PCDHA3: variants seen among roughly 807,000 people sequenced by gnomAD.
PCDHA3 encodes the protein protocadherin alpha 3.
PCDHA3 carries 41 observed loss-of-function variants against 62.2 expected under a neutral mutation model. That is an observed-to-expected ratio of 0.66 (90% CI 0.51 to 0.86). The LOEUF (loss-of-function observed/expected upper bound fraction) is 0.86. PCDHA3 is among the 40% of genes least tolerant of loss of function. PCDHA3 has a pLI of 0.00. For synonymous variants in PCDHA3, 640 were observed against 555.4 expected, an observed-to-expected ratio of 1.15 and a Z score of -2.14; for missense variants, 1,304 against 1,241.2, an observed-to-expected ratio of 1.05 and a Z score of -0.76.
chr5:140,818,170 C>T (rs1554127409), intron 1 of PCDHA3, among the ~76,000 whole-genome samples: 1 of 152,176 alleles, frequency 6.6e-6, no homozygotes, highest in African/African-American at 2.4e-5. Flanking sequence ...CATATTTTCT[C>T]TTATATTCTT....
intron 3 of PCDHA3, among the ~76,000 whole-genome samples, chr5:140,992,867 C>T (rs2097531825): frequency 6.6e-6 from 1 of 152,184 alleles, no homozygotes; most frequent in Admixed American, 6.5e-5. Context: ...CTCTAGCTCC[C>T]TCCTTGATAT....
chr5:140,951,667 C>A (rs180768474), intron 1 of PCDHA3, among the ~76,000 whole-genome samples: 10 of 152,274 alleles, frequency 6.6e-5, no homozygotes, highest in African/African-American at 2.4e-4. Context: ...GGCCTGCCTA[C>A]AAAATTGGGG....
intron 1 of PCDHA3, chr5:140,823,294 G>A (rs2150124401): frequency 2.5e-6 from 4 of 1,612,490 alleles, no homozygotes; most frequent in South Asian, 2.2e-5. Flanking sequence ...GTCGAGTTAC[G>A]TTTCGGTGCA....
At chr5:140,841,992 G>T (rs782125762) in intron 1 of PCDHA3, 1 of 1,613,646 alleles carries the variant, frequency 6.2e-7, no homozygotes, top group African/African-American at 1.3e-5. Context: ...GAGCTCACAG[G>T]CACTGTTCAG....
rs77462249 is a variant in PCDHA3 at position 141,008,293 on chromosome 5, C to G, written c.2543-1334C>G. ...ATAGGAAATTGAAATAGCAGTTGTA[C>G]CCAACCCTAAACTGTAATTGAACAT... On this transcript the variant is annotated intron_variant, in intron 3 of 3. Coordinates refer to ENST00000522353, the MANE Select transcript of PCDHA3 (RefSeq NM_018906.3). 3.5e-3 allele frequency among the ~76,000 whole-genome samples: 527 copies of G among 152,254 alleles called. 1 individual carries two copies. The highest frequency in any genetic ancestry group is 5.9e-3 in the Non-Finnish European group (399 of 68,006).
intron 1 of PCDHA3, among the ~76,000 whole-genome samples, chr5:140,894,303 A>G (rs1386163832): frequency 2.0e-5 from 3 of 151,922 alleles, no homozygotes; most frequent in Admixed American, 6.6e-5. Context: ...TTTCCTGGAA[A>G]GTTTTCTTAA....
intron 1 of PCDHA3, among the ~76,000 whole-genome samples, chr5:140,895,700 A>G (rs2065117583): frequency 6.6e-6 from 1 of 152,022 alleles, no homozygotes; most frequent in Non-Finnish European, 1.5e-5. Context: ...ATATTAATTC[A>G]CTTGGGATAA....
intron 1 of PCDHA3, chr5:140,807,631 T>C: frequency 6.2e-7 from 1 of 1,614,190 alleles, no homozygotes; most frequent in Non-Finnish European, 8.5e-7. Flanking sequence ...CCAGGCCGCT[T>C]GACTCTCGGT....
intron 3 of PCDHA3, among the ~76,000 whole-genome samples, chr5:140,985,189 G>A (rs1440212716): frequency 3.3e-5 from 5 of 152,004 alleles, no homozygotes; most frequent in African/African-American, 9.7e-5. Context: ...CGCCTGCCTC[G>A]GTCTCCCAAA....
At chr5:140,956,650 GATGCTGGCCTTA>G (rs2095299191) in intron 1 of PCDHA3, among the ~76,000 whole-genome samples, 1 of 152,154 alleles carries the variant, frequency 6.6e-6, no homozygotes, top group Non-Finnish European at 1.5e-5. Context: ...GTATCAGGAT[GATGCTGGCCTTA>G]AAGGAGTTAG....
intron 1 of PCDHA3, among the ~76,000 whole-genome samples, chr5:140,956,676 G>A (rs1281224695): frequency 5.3e-5 from 8 of 152,126 alleles, no homozygotes; most frequent in Admixed American, 2.0e-4. Flanking sequence ...GAGTTAGGGA[G>A]GAGTACCTCC....
chr5:140,971,468 A>C (rs938390548), intron 1 of PCDHA3, among the ~76,000 whole-genome samples: 7 of 152,174 alleles, frequency 4.6e-5, no homozygotes, highest in African/African-American at 7.2e-5. Context: ...AGTTATAGGG[A>C]GAGAGTGTCA....
At chr5:140,822,314 A>G (rs2150115464) in intron 1 of PCDHA3, 12 of 1,614,202 alleles carry the variant, frequency 7.4e-6, no homozygotes, top group South Asian at 2.2e-5. Context: ...TTTGACTTAG[A>G]TGTTAAAACA....
At chr5:140,907,377 C>T (rs2073348359) in intron 1 of PCDHA3, among the ~76,000 whole-genome samples, 1 of 152,124 alleles carries the variant, frequency 6.6e-6, no homozygotes, top group Non-Finnish European at 1.5e-5. Context: ...AAAGTGAGTG[C>T]CTTGGTCAAA....
chr5:140,929,413 A>G, intron 1 of PCDHA3: 1 of 1,505,438 alleles, frequency 6.6e-7, no homozygotes, highest in Non-Finnish European at 8.9e-7. Context: ...AGCCTTTCAC[A>G]ACATTTCATC....
chr5:140,871,092 C>A (rs575877743), intron 1 of PCDHA3: 2 of 1,613,142 alleles, frequency 1.2e-6, no homozygotes, highest in Admixed American at 1.7e-5. Flanking sequence ...CCACGGCCAC[C>A]GTGCTGGTGT....
intron 1 of PCDHA3, among the ~76,000 whole-genome samples, chr5:140,957,571 G>C (rs2095367794): frequency 6.6e-6 from 1 of 152,186 alleles, no homozygotes; most frequent in South Asian, 2.1e-4. Context: ...AGGGACTACT[G>C]TACTTTTAAC....
chr5:140,836,170 C>T lies in PCDHA3; in HGVS notation c.2394+32579C>T. 1.9e-6 allele frequency: 3 copies of T among 1,613,826 alleles called. 1 individual carries two copies. The highest frequency in any genetic ancestry group is 2.5e-6 in the Non-Finnish European group (3 of 1,179,794). On this transcript the variant is annotated intron_variant, in intron 1 of 3. Transcript: ENST00000522353. ...GGCCATGTGGTGGCGAAGGTACGTG[C>T]AGTTGACGCTGACTCAGGCTACAAC...
At chr5:140,966,527 G>C (rs1328867902) in intron 1 of PCDHA3, 2 of 444,184 alleles carry the variant, frequency 4.5e-6, no homozygotes, top group Non-Finnish European at 7.8e-6. Context: ...AAGCCGAGCC[G>C]GGTTGAGCGA....
Sources: gnomAD v4.1 joint callset for allele counts (sites outside exome capture counted in the v4.1 genomes callset) on GRCh38, gnomAD v4.1.1 for gene constraint, MANE v1.5 for transcripts, NCBI Gene and HGNC (gene_info 2026-07-23, HGNC 2026-07-21) for gene names.